L3MBTL4: variants seen among roughly 807,000 people sequenced by gnomAD.
The protein encoded by L3MBTL4 is L3MBTL histone methyl-lysine binding protein 4.
Under a neutral mutation model 84.5 loss-of-function variants are expected in L3MBTL4, and 70 were observed. The observed-to-expected ratio is 0.83, with a 90% CI of 0.68 to 1.01. The LOEUF is 1.01. Ranked by LOEUF, L3MBTL4 falls within the 50% of genes least tolerant of loss-of-function variation. The pLI, the probability that L3MBTL4 is intolerant of heterozygous loss-of-function variation, is 0.00. For synonymous variants in L3MBTL4, 274 were observed against 259.8 expected, an observed-to-expected ratio of 1.05 and a Z score of -0.52; for missense variants, 715 against 754.8, an observed-to-expected ratio of 0.95 and a Z score of 0.62.
chr18:6,029,330 T>C (rs8092877), intron 16 of L3MBTL4: 23,034 of 472,270 alleles, frequency 0.049, 642 homozygotes, highest in Non-Finnish European at 0.056. Context: ...AATTAAGATA[T>C]TTCAGTTCAA....
intron 16 of L3MBTL4, among the ~76,000 whole-genome samples, chr18:5,987,756 A>C (rs1044597911): frequency 6.6e-6 from 1 of 152,224 alleles, no homozygotes; most frequent in Non-Finnish European, 1.5e-5. Flanking sequence ...AAATTAAACC[A>C]GTGTATGATT....
At chr18:6,320,374 C>A (rs2051341386) in intron 1 of L3MBTL4, among the ~76,000 whole-genome samples, 1 of 151,958 alleles carries the variant, frequency 6.6e-6, no homozygotes, top group Non-Finnish European at 1.5e-5. Flanking sequence ...TCTAGAAAAC[C>A]CTAAAGACTC....
chr18:6,149,371 C>T (rs560255643), intron 13 of L3MBTL4, among the ~76,000 whole-genome samples: 13 of 152,082 alleles, frequency 8.5e-5, no homozygotes, highest in African/African-American at 3.1e-4. Flanking sequence ...CTACAAAGGA[C>T]ATGAACTCAT....
At chr18:6,120,862 G>A (rs1185887235) in intron 14 of L3MBTL4, among the ~76,000 whole-genome samples, 2 of 152,156 alleles carry the variant, frequency 1.3e-5, no homozygotes, top group South Asian at 2.1e-4. Flanking sequence ...ATTTATCTAT[G>A]CACTGTTGAT....
chr18:6,085,887 G>C (rs1341787717), intron 15 of L3MBTL4, among the ~76,000 whole-genome samples: 1 of 152,188 alleles, frequency 6.6e-6, no homozygotes, highest in African/African-American at 2.4e-5. Context: ...AGTGACCTAA[G>C]CATGCAGCAT....
intron 12 of L3MBTL4, among the ~76,000 whole-genome samples, chr18:6,190,857 C>G (rs762616670): frequency 6.6e-6 from 1 of 151,798 alleles, no homozygotes; most frequent in African/African-American, 2.4e-5. Flanking sequence ...GAGATTTGGG[C>G]GTATGGGGAA....
At chr18:6,189,775 A>G (rs1378399221) in intron 12 of L3MBTL4, among the ~76,000 whole-genome samples, 1 of 152,212 alleles carries the variant, frequency 6.6e-6, no homozygotes, top group African/African-American at 2.4e-5. Context: ...CAGACTGAAA[A>G]TAGCAGAAAA....
intron 1 of L3MBTL4, among the ~76,000 whole-genome samples, chr18:6,406,733 T>A (rs903098251): frequency 6.6e-6 from 1 of 152,178 alleles, no homozygotes; most frequent in Non-Finnish European, 1.5e-5. Context: ...AAATTCCTGT[T>A]AACTGTACCG....
chr18:5,970,653 C>T (rs1355624044), intron 16 of L3MBTL4, among the ~76,000 whole-genome samples: 1 of 152,088 alleles, frequency 6.6e-6, no homozygotes, highest in Non-Finnish European at 1.5e-5. Context: ...TGTTTTAAGC[C>T]CTCCAGAAGT....
intron 12 of L3MBTL4, among the ~76,000 whole-genome samples, chr18:6,172,367 T>C (rs1235632915): frequency 6.6e-6 from 1 of 152,062 alleles, no homozygotes; most frequent in Non-Finnish European, 1.5e-5. Flanking sequence ...TGATGGGAAA[T>C]ACACAGATTA....
intron 18 of L3MBTL4, among the ~76,000 whole-genome samples, chr18:5,958,154 GA>G (rs2095243460): frequency 1.5e-5 from 1 of 66,294 alleles, no homozygotes; most frequent in African/African-American, 5.8e-5. Context: ...AGAAGAAGAA[GA>G]AGAACAAGAA....
At chr18:6,069,086 C>A (rs997708956) in intron 16 of L3MBTL4, among the ~76,000 whole-genome samples, 1 of 152,234 alleles carries the variant, frequency 6.6e-6, no homozygotes, top group African/African-American at 2.4e-5. Flanking sequence ...GCAGTGTACA[C>A]CAGCACCATC....
intron 16 of L3MBTL4, among the ~76,000 whole-genome samples, chr18:5,985,869 C>T (rs894394318): frequency 1.3e-5 from 2 of 152,092 alleles, no homozygotes. Flanking sequence ...ACAAATGGAC[C>T]AGGAGAGAAG....
At position 5,956,122 on chromosome 18, in the gene L3MBTL4, G is replaced by T; in HGVS notation, c.*98C>A. ...CTTTAAAAAGTCCAGATTCAGTGTG[G>T]ATACGGCCATGGGGACATTCACATC... On this transcript the variant is annotated 3_prime_UTR_variant, in exon 19 of 19. Coordinates refer to ENST00000317931, the MANE Select transcript of L3MBTL4 (RefSeq NM_001330559.2). 2.0e-6 allele frequency: 2 copies of T among 1,005,914 alleles called. No homozygotes were observed. Among genetic ancestry groups the T allele is most frequent in the Non-Finnish European group, 3.0e-6 (2 of 665,362 alleles). The allele number at this position is 1,005,914 out of a possible 1,614,324, so 62.3% of individuals were successfully genotyped here. A position where few individuals can be genotyped will look rare whatever the true frequency, so the allele number is the denominator to read the frequency against.
At chr18:6,056,330 T>C (rs1202958194) in intron 16 of L3MBTL4, among the ~76,000 whole-genome samples, 3 of 152,116 alleles carry the variant, frequency 2.0e-5, no homozygotes, top group Non-Finnish European at 2.9e-5. Flanking sequence ...AAGTTTGCTT[T>C]TGTGTTTGAG....
At chr18:6,206,145 A>G (rs1424111496) in intron 12 of L3MBTL4, among the ~76,000 whole-genome samples, 2 of 152,186 alleles carry the variant, frequency 1.3e-5, no homozygotes, top group Non-Finnish European at 2.9e-5. Context: ...TGCTTTATCA[A>G]GAACTGTTAG....
At chr18:6,285,091 G>A (rs529763381) in intron 4 of L3MBTL4, among the ~76,000 whole-genome samples, 55 of 152,354 alleles carry the variant, frequency 3.6e-4, no homozygotes, top group East Asian at 9.7e-4. Context: ...AGCCTGGTGC[G>A]GTATTAACGC....
In L3MBTL4 at chr18:5,960,163, T is replaced by TG; in HGVS notation, c.1615-8dup. The TG allele has an allele frequency of 6.3e-7, 1 of 1,583,794 alleles. No homozygotes were observed. Among genetic ancestry groups the TG allele is most frequent in the South Asian group, 1.2e-5 (1 of 85,870 alleles). ...ACTGTACAAACTCAGCCACCTACAG[T>TG]GCGAGATGAAAAGCCTAATTTAATA... On this transcript the variant is annotated splice_polypyrimidine_tract_variant and splice_region_variant and intron_variant, in intron 17 of 18. Transcript: ENST00000317931.
intron 3 of L3MBTL4, among the ~76,000 whole-genome samples, chr18:6,303,781 C>T (rs67525632): frequency 4.0e-5 from 6 of 151,762 alleles, no homozygotes; most frequent in Admixed American, 6.6e-5. Flanking sequence ...GGAAGGCTGA[C>T]GCGGGAGGAT....
Sources: gnomAD v4.1 joint callset for allele counts (sites outside exome capture counted in the v4.1 genomes callset) on GRCh38, gnomAD v4.1.1 for gene constraint, MANE v1.5 for transcripts, NCBI Gene and HGNC (gene_info 2026-07-23, HGNC 2026-07-21) for gene names.